KMT2A: variants seen among roughly 807,000 people sequenced by gnomAD.
KMT2A encodes the protein histone-lysine N-methyltransferase 2A.
A neutral mutation model predicts 345.3 loss-of-function variants in KMT2A; 16 were observed. That is an observed-to-expected ratio of 0.05 (90% CI 0.03 to 0.07). KMT2A has a LOEUF of 0.07. KMT2A is among the 10% of genes least tolerant of loss of function. KMT2A has a pLI of 1.00. For missense variants in KMT2A, 3,272 were observed against 4,841.6 expected, an observed-to-expected ratio of 0.68 and a Z score of 9.62; for synonymous variants, 1,599 against 1,778.6, an observed-to-expected ratio of 0.90 and a Z score of 2.54.
At position 118,522,230 on chromosome 11, in the gene KMT2A, C is replaced by G; in HGVS notation, c.*58C>G. The stretch of plus-strand genomic sequence containing the variant: ...GGAGGCGGGGCCATCCAAAGCAACG[C>G]TGAAGGCCTTTTCCAGCAGCTGGGA... On this transcript the variant is annotated 3_prime_UTR_variant, in exon 36 of 36. Transcript: ENST00000534358. This position sits in a 1 kb window ranked among gnomAD's most constrained non-coding sequence, Gnocchi z 5.4. 1 of 1,584,390 alleles carries G rather than the reference C, an allele frequency of 6.3e-7. No individual in the cohort carries two copies. The highest frequency in any genetic ancestry group is 8.6e-7 in the Non-Finnish European group (1 of 1,160,806).
chr11:118,518,562 C>T (rs1046407850), intron 31 of KMT2A, among the ~76,000 whole-genome samples: 6 of 151,852 alleles, frequency 4.0e-5, no homozygotes, highest in Non-Finnish European at 8.8e-5. Flanking sequence ...AGGTGGATCA[C>T]CTGAGGTCAG....
At chr11:118,477,570 C>T (rs1950062122) in intron 4 of KMT2A, among the ~76,000 whole-genome samples, 1 of 113,954 alleles carries the variant, frequency 8.8e-6, no homozygotes, top group African/African-American at 3.4e-5. Flanking sequence ...TACAGTGGTG[C>T]GATCTCGGCT....
rs1376093028 is a variant in KMT2A, at chr11:118,524,395, C to A, written c.*2223C>A. The A allele has an allele frequency of 1.0e-5, 2 of 192,598 alleles. No homozygotes were observed. The highest frequency in any genetic ancestry group is 2.2e-5 in the Non-Finnish European group (2 of 91,814). The allele number at this position is 192,598 out of a possible 1,614,324, so 11.9% of individuals were successfully genotyped here. A position where few individuals can be genotyped will look rare whatever the true frequency, so the allele number is the denominator to read the frequency against. On this transcript the variant is annotated 3_prime_UTR_variant, in exon 36 of 36. Transcript: ENST00000534358. ...CCCAGGACTCATGGCTCTGCTGTGC[C>A]TTCCATCCTGGGCTCCCTTCTCTCC...
In KMT2A at chr11:118,506,062, G is replaced by T. The variant is rs1462963975; in HGVS notation, c.10170G>T (p.Gln3390His). Residue 3390 changes from glutamine to histidine, a missense_variant, in exon 27 of 36, where the codon CAG (glutamine) becomes CAT (histidine). Around this residue, in one of 27 missense-constraint regions of KMT2A, gnomAD observed 748 missense variants for 922.2 expected, o/e 0.81. Coordinates refer to ENST00000534358, the MANE Select transcript of KMT2A (RefSeq NM_001197104.2). ...SISNLLIKASQQSLGIQDQPV... is the reference protein window; with the variant it reads ...SISNLLIKASHQSLGIQDQPV... The stretch of plus-strand genomic sequence containing the variant: ...GCAATCTTTTAATCAAAGCTAGCCA[G>T]CAGAGCCTGGGGATTCAGGACCAGC... 4.3e-6 allele frequency: 7 copies of T among 1,614,058 alleles called. No homozygotes were observed. The highest frequency in any genetic ancestry group is 5.1e-6 in the Non-Finnish European group (6 of 1,180,048).
chr11:118,469,910 C>A (rs1385852324), intron 2 of KMT2A, among the ~76,000 whole-genome samples: 1 of 152,130 alleles, frequency 6.6e-6, no homozygotes, highest in Non-Finnish European at 1.5e-5. Context: ...CAGTAGTGTC[C>A]CAGTATCTGT....
intron 28 of KMT2A, 36 bp downstream of exon 28, chr11:118,507,645 TCA>T: frequency 6.5e-7 from 1 of 1,535,966 alleles, no homozygotes; most frequent in Non-Finnish European, 9.0e-7. Flanking sequence ...GACTAAGCTC[TCA>T]GTTTTGTCCA....
chr11:118,461,635 C>T, intron 1 of KMT2A, among the ~76,000 whole-genome samples: 1 of 152,176 alleles, frequency 6.6e-6, no homozygotes, highest in Non-Finnish European at 1.5e-5. Flanking sequence ...GAATGGTTGC[C>T]TGAGCCCAGT....
chr11:118,485,160 T>C (rs782373770), intron 10 of KMT2A, among the ~76,000 whole-genome samples, 185 bp downstream of exon 10: 2 of 152,228 alleles, frequency 1.3e-5, no homozygotes, highest in Non-Finnish European at 2.9e-5. Context: ...GCAAAGTTAT[T>C]GAGAGTGAAA....
At position 118,489,714 on chromosome 11, in the gene KMT2A, T is replaced by C. The variant is rs1442912315; in HGVS notation, c.4480-78T>C. On this transcript the variant is annotated intron_variant, in intron 11 of 35. Coordinates refer to ENST00000534358, the MANE Select transcript of KMT2A (RefSeq NM_001197104.2). ...TGCTGTACTTACTTGCCAGTAAATG[T>C]GAAATGGGGTACTAAGTAATAGGTG... 6 of 1,173,602 alleles carry C rather than the reference T, an allele frequency of 5.1e-6. No individual in the cohort carries two copies. In the African/African-American group the frequency reaches 7.5e-5, roughly 15 times the overall value. The allele number at this position is 1,173,602 out of a possible 1,614,324, so 72.7% of individuals were successfully genotyped here.
intron 1 of KMT2A, among the ~76,000 whole-genome samples, chr11:118,464,415 G>T (rs1237906461): frequency 2.6e-5 from 4 of 152,020 alleles, no homozygotes; most frequent in African/African-American, 9.7e-5. Flanking sequence ...CATGCCTGTA[G>T]TCCCAGCTAC....
rs112678346 is a variant in KMT2A at position 118,506,288 on chromosome 11, A to G, written c.10396A>G (p.Thr3466Ala). 3.8e-4 allele frequency: 614 copies of G among 1,614,080 alleles called. 4 individuals carry two copies. In the African/African-American group the frequency reaches 6.9e-3, roughly 18 times the overall value. ...QHVNQLLASK[T>A]GIHSSQRDLD... ...TGTGAACCAGCTCCTTGCCAGCAAA[A>G]CTGGGATTCATTCTTCCCAGCGTGA... The change falls in exon 27 of 36, where the codon ACT (threonine) becomes GCT (alanine). Residue 3466 changes from threonine (T) to alanine (A), a missense_variant. Thr to Ala is a moderately conservative substitution (Grantham distance 58). Coordinates refer to ENST00000534358, the MANE Select transcript of KMT2A (RefSeq NM_001197104.2).
At position 118,504,723 on chromosome 11, in the gene KMT2A, T is replaced by C. The variant is rs1950552698; in HGVS notation, c.8831T>C (p.Val2944Ala). 1.9e-6 allele frequency: 3 copies of C among 1,614,038 alleles called. No homozygotes were observed. The highest frequency in any genetic ancestry group is 1.7e-6 in the Non-Finnish European group (2 of 1,180,010). ...GTCTTGACCACCCGGAGTCCCACTGTCCCCAGCCAGAATCCCAGTAGACTA... is the reference window on the plus strand; with the variant it reads ...GTCTTGACCACCCGGAGTCCCACTGCCCCCAGCCAGAATCCCAGTAGACTA... ...LSVLTTRSPT[V>A]PSQNPSRLAV... is the part of the protein sequence containing the mutation. Residue 2944 changes from valine (V) to alanine (A), a missense_variant, in exon 27 of 36, where the codon GTC becomes GCC. By Grantham distance (64) the Val-to-Ala change is moderately conservative. Transcript: ENST00000534358. This position sits in a 1 kb window ranked among gnomAD's most constrained non-coding sequence, Gnocchi z 6.4.
Position 118,523,174 on chromosome 11 carries a change from T to A in KMT2A, c.*1002T>A. The stretch of plus-strand genomic sequence containing the variant: ...GGAAAAAGATTATTTAAATAGGATT[T>A]AAATCATGCAACAACGAGAGTATCA... On this transcript the variant is annotated 3_prime_UTR_variant, in exon 36 of 36. Coordinates refer to ENST00000534358, the MANE Select transcript of KMT2A (RefSeq NM_001197104.2). The A allele has an allele frequency of 4.4e-6, 1 of 228,598 alleles. No individual in the cohort carries two copies. The highest frequency in any genetic ancestry group is 6.3e-5 in the East Asian group (1 of 15,902). 14.2% of individuals were successfully genotyped at this position (228,598 alleles called of 1,614,324 possible).
intron 24 of KMT2A, 110 bp downstream of exon 24, chr11:118,500,023 C>A: frequency 1.5e-6 from 1 of 682,668 alleles, no homozygotes; most frequent in Non-Finnish European, 2.6e-6. Context: ...TAAACTGCTA[C>A]TAAAAATTAA....
rs141036837 is a variant in KMT2A, at chr11:118,524,167, C to T, written c.*1995C>T. On this transcript the variant is annotated 3_prime_UTR_variant, in exon 36 of 36. Transcript: ENST00000534358. ...ATATCTGCAGAGAACCCATTGATCACCTTGTGCCCTCTTTTGGGGCAGCCT... is the reference window on the plus strand; with the variant it reads ...ATATCTGCAGAGAACCCATTGATCATCTTGTGCCCTCTTTTGGGGCAGCCT... 1.1e-3 allele frequency: 205 copies of T among 183,884 alleles called. 2 individuals carry two copies. Among genetic ancestry groups the T allele is most frequent in the African/African-American group, 4.7e-3 (199 of 42,682 alleles). The allele number at this position is 183,884 out of a possible 1,614,324, so 11.4% of individuals were successfully genotyped here.
At chr11:118,459,758 G>A (rs1949710935) in intron 1 of KMT2A, among the ~76,000 whole-genome samples, 1 of 145,550 alleles carries the variant, frequency 6.9e-6, no homozygotes, top group South Asian at 2.2e-4. Flanking sequence ...ACCTCTACCC[G>A]GCCCTCCCAA....
In KMT2A at chr11:118,523,532, G is replaced by A. The variant is rs920660529; in HGVS notation, c.*1360G>A. The A allele has an allele frequency of 8.0e-5, 18 of 224,438 alleles. No individual in the cohort carries two copies. The highest frequency in any genetic ancestry group is 4.0e-4 in the African/African-American group (18 of 44,836). The allele number at this position is 224,438 out of a possible 1,614,324, so 13.9% of individuals were successfully genotyped here. On this transcript the variant is annotated 3_prime_UTR_variant, in exon 36 of 36. Transcript: ENST00000534358. ...AAATTAAGTCATTGGATTTTACTCT[G>A]TTCTGTTTACAGTTTACTATTTAAG...
rs966563549 is a variant in KMT2A, at chr11:118,523,350, G to C, written c.*1178G>C. On this transcript the variant is annotated 3_prime_UTR_variant, in exon 36 of 36. Transcript: ENST00000534358. ...TTCAAGGCCCACAACTTGGGGACTA[G>C]ACCACCTTATGTTGAGGGAACTCTG... is the stretch of plus-strand genomic sequence containing the variant. The C allele has an allele frequency of 2.5e-4, 57 of 229,028 alleles. 1 individual carries two copies. Among genetic ancestry groups the C allele is most frequent in the African/African-American group, 1.2e-3 (56 of 45,070 alleles). 14.2% of individuals were successfully genotyped at this position (229,028 alleles called of 1,614,324 possible).
Position 118,473,645 on chromosome 11 carries a change from C to T in KMT2A, c.2486C>T (p.Ser829Leu), listed in dbSNP as rs2134269308. The change falls in exon 3 of 36, where the codon TCA (serine) becomes TTA (leucine). Residue 829 changes from serine to leucine, a missense_variant. Ser to Leu is a moderately radical substitution (Grantham distance 145). This residue lies in a region of KMT2A where 209 missense variants were observed against 237.4 expected (regional missense o/e 0.88). Coordinates refer to ENST00000534358, the MANE Select transcript of KMT2A (RefSeq NM_001197104.2). The surrounding 1 kb of genome is among the most constrained non-coding windows in gnomAD (Gnocchi z 5.2). The stretch of plus-strand genomic sequence containing the variant: ...AGTGCTCCGGCAGAGCCATTTTCAT[C>T]AAGTAGTCCTACTCCTCTCTTCCCT... ...QTSAPAEPFS[S>L]SSPTPLFPWF... 1 of 1,614,116 alleles carries T rather than the reference C, an allele frequency of 6.2e-7. No homozygotes were observed. Among genetic ancestry groups the T allele is most frequent in the East Asian group, 2.2e-5 (1 of 44,878 alleles).
Sources: allele counts gnomAD v4.1 joint callset (sites outside exome capture counted in the v4.1 genomes callset), GRCh38; gene constraint gnomAD v4.1.1; regional missense constraint gnomAD v4.1.1; non-coding constraint Gnocchi (gnomAD v3.1); transcripts MANE v1.5; gene names NCBI Gene and HGNC (gene_info 2026-07-23, HGNC 2026-07-21).